YBEY: variants seen among roughly 807,000 people sequenced by gnomAD.
YBEY encodes the protein ybeY metalloendoribonuclease.
A neutral mutation model predicts 13.5 loss-of-function variants in YBEY; 15 were observed. The ratio of observed to expected loss-of-function variants is 1.11; its 90% CI spans 0.75 to 1.72. YBEY has a LOEUF of 1.72. Among genes scored for constraint, YBEY ranks in the 40% most tolerant of loss-of-function variants. The pLI is 0.00. For synonymous variants in YBEY, 101 were observed against 83.1 expected (o/e 1.21, Z -1.17); for missense variants, 244 against 208.4 (o/e 1.17, Z -1.05).
chr21:46,302,143 A>G (rs2145883035), downstream of YBEY: 2 of 1,496,962 alleles, frequency 1.3e-6, no homozygotes, highest in East Asian at 2.5e-5. Context: ...TCGGGGGCAC[A>G]TGTGGCGGGT....
At chr21:46,301,015 G>T, downstream of YBEY, 2 of 949,936 alleles carry the variant, frequency 2.1e-6, no homozygotes, top group Non-Finnish European at 2.7e-6. Flanking sequence ...ACTCACCTTT[G>T]CTTTACAGGA....
chr21:46,311,556 A>G, the YBEY span: 7 of 1,609,000 alleles, frequency 4.4e-6, no homozygotes, highest in Admixed American at 1.2e-4. Flanking sequence ...TGGTGGCAGG[A>G]GGCTGGGGGA....
the YBEY span, among the ~76,000 whole-genome samples, chr21:46,312,326 G>GT: frequency 1.3e-3 from 198 of 150,752 alleles, no homozygotes; most frequent in Non-Finnish European, 8.9e-4. Flanking sequence ...TGGTGTTTTT[G>GT]TTTTTTTTTG....
chr21:46,309,247 G>A, the YBEY span, among the ~76,000 whole-genome samples: 2 of 152,014 alleles, frequency 1.3e-5, no homozygotes, highest in African/African-American at 4.8e-5. Context: ...GATCATCTGA[G>A]GTCAGGAATT....
downstream of YBEY, chr21:46,301,562 G>A: frequency 1.0e-6 from 1 of 991,920 alleles, no homozygotes. Context: ...TAAAGCTATT[G>A]ATCTTTTCTG....
intron 1 of YBEY, 68 bp from the exon 2 acceptor site, chr21:46,286,802 G>A: frequency 1.1e-6 from 1 of 871,358 alleles, no homozygotes; most frequent in Non-Finnish European, 1.8e-6. Flanking sequence ...GATTGCGCGT[G>A]CATCTGTATT....
chr21:46,299,854 C>T (rs1363704602), downstream of YBEY, among the ~76,000 whole-genome samples: 4 of 152,146 alleles, frequency 2.6e-5, no homozygotes, highest in Admixed American at 2.6e-4. Context: ...GTAGCCCAAG[C>T]CCATTTTCAG....
Position 46,291,385 on chromosome 21 carries a change from T to C in YBEY, c.262T>C (p.Leu88=). ...PQPDFPDDYN[L]GDIFLGVEYI... ...GCCTGATTTTCCAGATGACTACAAT[T>C]TGGGAGACATTTTCCTAGGAGTGGA... The change falls in exon 3 of 5, where the codon TTG becomes CTG. Residue 88 remains leucine (L), a synonymous_variant. Coordinates refer to ENST00000397701, the MANE Select transcript of YBEY (RefSeq NM_001314025.2). 6.2e-7 allele frequency: 1 copy of C among 1,614,002 alleles called. No homozygotes were observed. The highest frequency in any genetic ancestry group is 8.5e-7 in the Non-Finnish European group (1 of 1,179,994).
At chr21:46,300,643 C>T (rs889042408), downstream of YBEY, 5 of 1,242,294 alleles carry the variant, frequency 4.0e-6, no homozygotes, top group Admixed American at 1.4e-4. Context: ...ACCTGCCCGT[C>T]CATGTCAGCA....
downstream of YBEY, chr21:46,300,892 A>C (rs1220793600): frequency 1.0e-6 from 1 of 996,260 alleles, no homozygotes; most frequent in African/African-American, 1.7e-5. Context: ...AAAAAAAAGT[A>C]ACAAAAAGTA....
chr21:46,295,688 A>T (rs2081928544), intron 3 of YBEY, among the ~76,000 whole-genome samples: 1 of 150,438 alleles, frequency 6.6e-6, no homozygotes, highest in East Asian at 2.0e-4. Context: ...CTCTACCCAG[A>T]GTGTTCAGTA....
chr21:46,303,733 ATATATATATATATTTT>A, the YBEY span, among the ~76,000 whole-genome samples: 92 of 32,222 alleles, frequency 2.9e-3, no homozygotes, highest in African/African-American at 0.012. Context: ...ATATATATAT[ATATATATATATATTTT>A]TTTTTTTTTT....
intron 3 of YBEY, among the ~76,000 whole-genome samples, chr21:46,293,915 CCCG>C (rs1358528391): frequency 3.5e-4 from 2 of 5,772 alleles, no homozygotes; most frequent in East Asian, 0.024. Flanking sequence ...TTAAATTCCT[CCCG>C]CGGTTAGCCT....
the YBEY span, among the ~76,000 whole-genome samples, chr21:46,310,497 T>TA: frequency 2.1e-3 from 261 of 127,214 alleles, 1 homozygote; most frequent in African/African-American, 5.8e-3. Context: ...AAAATAAAAA[T>TA]AAAAAAAAAA....
Position 46,296,250 on chromosome 21 carries a change from C to T in YBEY, c.408+20C>T, listed in dbSNP as rs2081947411. ...CAGCAGGTAAGGAGCCCATCCATCC[C>T]ACTACCGAGGGGGTGCGTGGGGGAA... On this transcript the variant is annotated intron_variant, in intron 4 of 4. Coordinates refer to ENST00000397701, the MANE Select transcript of YBEY (RefSeq NM_001314025.2). 1.5e-5 allele frequency: 24 copies of T among 1,613,012 alleles called. No individual in the cohort carries two copies. Among genetic ancestry groups the T allele is most frequent in the Non-Finnish European group, 2.0e-5 (24 of 1,179,984 alleles).
At chr21:46,292,807 C>T (rs1601590565) in intron 3 of YBEY, among the ~76,000 whole-genome samples, 1 of 137,240 alleles carries the variant, frequency 7.3e-6, no homozygotes, top group African/African-American at 2.6e-5. Flanking sequence ...AAATTCCTCC[C>T]GCGGTTAGCC....
chr21:46,286,769 A>T, intron 1 of YBEY, 101 bp from the exon 2 acceptor site: 1 of 697,680 alleles, frequency 1.4e-6, no homozygotes, highest in Middle Eastern at 3.1e-4. Flanking sequence ...ATTTTCAATC[A>T]GTTCCACCAA....
At chr21:46,299,920 C>T (rs1233298670), downstream of YBEY, among the ~76,000 whole-genome samples, 1 of 152,144 alleles carries the variant, frequency 6.6e-6, no homozygotes, top group Non-Finnish European at 1.5e-5. Context: ...CCAAGGGGGA[C>T]TGTGTATGGG....
At chr21:46,288,289 A>G (rs1190774417) in intron 2 of YBEY, among the ~76,000 whole-genome samples, 1 of 152,254 alleles carries the variant, frequency 6.6e-6, no homozygotes, top group South Asian at 2.1e-4. Flanking sequence ...ACATTGTAGC[A>G]GCAGGAATTG....
Sources: gnomAD v4.1 joint callset for allele counts (sites outside exome capture counted in the v4.1 genomes callset) on GRCh38, gnomAD v4.1.1 for gene constraint, MANE v1.5 for transcripts, NCBI Gene and HGNC (gene_info 2026-07-23, HGNC 2026-07-21) for gene names.